NR1I2: variants seen among roughly 807,000 people sequenced by gnomAD.
NR1I2 encodes nuclear receptor subfamily 1 group I member 2, also known as orphan nuclear receptor PAR1.
Under a neutral mutation model 43.3 loss-of-function variants are expected in NR1I2, and 42 were observed. The observed-to-expected ratio is 0.97, with a 90% CI of 0.76 to 1.26. The LOEUF is 1.26. Ranked by LOEUF, NR1I2 falls within the 50% of genes most tolerant of loss-of-function variation. The probability of loss-of-function intolerance (pLI) is 0.00; values close to 1 mark genes in which losing one functional copy is unlikely to be tolerated. For missense variants in NR1I2, 559 were observed against 566.7 expected, an observed-to-expected ratio of 0.99 and a Z score of 0.14; for synonymous variants, 229 against 215.0, an observed-to-expected ratio of 1.06 and a Z score of -0.57.
intron 1 of NR1I2, among the ~76,000 whole-genome samples, chr3:119,794,290 T>A (rs1353572277): frequency 6.6e-6 from 1 of 152,008 alleles, no homozygotes; most frequent in Admixed American, 6.5e-5. Context: ...CCTCCTGGGC[T>A]CACGTAATCT....
intron 8 of NR1I2, among the ~76,000 whole-genome samples, chr3:119,816,438 G>C (rs1047783659): frequency 6.6e-6 from 1 of 152,092 alleles, no homozygotes; most frequent in African/African-American, 2.4e-5. Flanking sequence ...CTGGCCCCTG[G>C]ACATTAACGA....
rs1237744800 is a variant in NR1I2, at chr3:119,812,967, C to T, written c.794+7C>T. The stretch of plus-strand genomic sequence containing the variant: ...AAGTCATCTCCTACTTCAGGTAGGA[C>T]ATGGAGACTGGGTGGTTGGGTGTGG... On this transcript the variant is annotated splice_region_variant and intron_variant, in intron 5 of 8. Transcript: ENST00000393716. 7 of 1,612,294 alleles carry T rather than the reference C, an allele frequency of 4.3e-6. No individual in the cohort carries two copies. Among genetic ancestry groups the T allele is most frequent in the Non-Finnish European group, 5.9e-6 (7 of 1,179,822 alleles).
chr3:119,814,687 T>C (rs1457280433), intron 5 of NR1I2, among the ~76,000 whole-genome samples: 1 of 152,094 alleles, frequency 6.6e-6, no homozygotes, highest in Non-Finnish European at 1.5e-5. Flanking sequence ...AGGATTTGTA[T>C]AGGAGCTGAA....
At chr3:119,804,352 G>A (rs1559787377) in intron 1 of NR1I2, among the ~76,000 whole-genome samples, 1 of 150,372 alleles carries the variant, frequency 6.7e-6, no homozygotes, top group African/African-American at 2.4e-5. Context: ...TCCAGCCTGG[G>A]TGACAGAGCG....
intron 1 of NR1I2, among the ~76,000 whole-genome samples, chr3:119,791,337 G>A (rs2054915725): frequency 6.6e-6 from 1 of 152,198 alleles, no homozygotes; most frequent in African/African-American, 2.4e-5. Flanking sequence ...CTCCTGCAAT[G>A]TCAGGCTAGA....
chr3:119,794,958 T>A (rs2054976419), intron 1 of NR1I2, among the ~76,000 whole-genome samples: 1 of 152,102 alleles, frequency 6.6e-6, no homozygotes, highest in South Asian at 2.1e-4. Context: ...TAAATTAAAT[T>A]AAATAATGTA....
At chr3:119,814,648 A>G (rs1379596172) in intron 5 of NR1I2, among the ~76,000 whole-genome samples, 3 of 152,184 alleles carry the variant, frequency 2.0e-5, no homozygotes, top group Non-Finnish European at 4.4e-5. Flanking sequence ...GAGGCCAGGG[A>G]CCAGAAGCCA....
At chr3:119,812,649 T>A (rs910426620) in intron 4 of NR1I2, 37 bp from the exon 5 acceptor site, 2 of 1,612,218 alleles carry the variant, frequency 1.2e-6, no homozygotes, top group Non-Finnish European at 1.7e-6. Context: ...AAGCACATGC[T>A]GTCTCTCCTC....
At chr3:119,797,139 A>G (rs1196227709) in intron 1 of NR1I2, among the ~76,000 whole-genome samples, 2 of 150,984 alleles carry the variant, frequency 1.3e-5, no homozygotes, top group Admixed American at 1.3e-4. Flanking sequence ...TCTCCCTTTA[A>G]TAGGGGATTT....
intron 1 of NR1I2, among the ~76,000 whole-genome samples, chr3:119,798,640 A>AGGAG (rs1289847869): frequency 4.7e-5 from 1 of 21,284 alleles, no homozygotes. Context: ...ACTCCGTCTC[A>AGGAG]AAAAAAAAAA....
chr3:119,813,075 C>T, intron 5 of NR1I2, 115 bp downstream of exon 5: 7 of 1,176,996 alleles, frequency 5.9e-6, no homozygotes, highest in Non-Finnish European at 8.6e-6. Context: ...GAAGACCCTC[C>T]TTTTCCTGTG....
intron 1 of NR1I2, chr3:119,791,963 T>C (rs1331228751): frequency 1.5e-6 from 1 of 686,702 alleles, no homozygotes; most frequent in African/African-American, 1.7e-5. Flanking sequence ...TACAGGACAT[T>C]GTGGTAGGGT....
chr3:119,782,821 C>T, intron 1 of NR1I2: 1 of 1,614,162 alleles, frequency 6.2e-7, no homozygotes, highest in Non-Finnish European at 8.5e-7. Context: ...CATACCCCTG[C>T]ACAGTGCTGC....
Position 119,807,256 on chromosome 3 carries a change from G to T in NR1I2, c.6G>T (p.Glu2Asp). ...CAAGAGGCCCAGAAGCAAACCTGGAGGTGAGACCCAAAGAAAGCTGGAACC... is the reference window on the plus strand; with the variant it reads ...CAAGAGGCCCAGAAGCAAACCTGGATGTGAGACCCAAAGAAAGCTGGAACC... The change falls in exon 2 of 9, where the codon GAG becomes GAT. Residue 2 changes from glutamate (E) to aspartate (D), a missense_variant. Around this residue, in one of 3 missense-constraint regions of NR1I2, gnomAD observed 232 missense variants for 236.6 expected, o/e 0.98. Transcript: ENST00000393716. 6.2e-7 allele frequency: 1 copy of T among 1,614,150 alleles called. No individual in the cohort carries two copies. Among genetic ancestry groups the T allele is most frequent in the Non-Finnish European group, 8.5e-7 (1 of 1,180,024 alleles).
At chr3:119,796,079 T>C (rs1408783753) in intron 1 of NR1I2, among the ~76,000 whole-genome samples, 1 of 152,132 alleles carries the variant, frequency 6.6e-6, no homozygotes, top group African/African-American at 2.4e-5. Flanking sequence ...TCCCAGCACT[T>C]CTCTTTAGTC....
Position 119,817,119 on chromosome 3 carries a change from T to G in NR1I2, c.1212T>G (p.Asn404Lys). 5 of 1,614,196 alleles carry G rather than the reference T, an allele frequency of 3.1e-6. No homozygotes were observed. The highest frequency in any genetic ancestry group is 4.2e-6 in the Non-Finnish European group (5 of 1,180,014). The stretch of plus-strand genomic sequence containing the variant: ...TGCTCACCGAGCTCCGCAGCATCAA[T>G]GCTCAGCACACCCAGCGGCTGCTGC... The change falls in exon 9 of 9, where the codon AAT (asparagine) becomes AAG (lysine). Residue 404 changes from asparagine (N) to lysine (K), a missense_variant. Asn to Lys is a moderately conservative substitution (Grantham distance 94). Coordinates refer to ENST00000393716, the MANE Select transcript of NR1I2 (RefSeq NM_003889.4).
At chr3:119,809,872 T>C (rs1334757642) in intron 2 of NR1I2, among the ~76,000 whole-genome samples, 189 bp from the exon 3 acceptor site, 1 of 152,128 alleles carries the variant, frequency 6.6e-6, no homozygotes, top group Non-Finnish European at 1.5e-5. Context: ...CCCCTCTAGC[T>C]GAGTCCTGGA....
Position 119,810,193 on chromosome 3 carries a change from G to A in NR1I2, c.330G>A (p.Glu110=). The A allele has an allele frequency of 6.2e-7, 1 of 1,603,712 alleles. No individual in the cohort carries two copies. Among genetic ancestry groups the A allele is most frequent in the Non-Finnish European group, 8.5e-7 (1 of 1,175,276 alleles). ...GCCTGGAGAGCGGCATGAAGAAGGA[G>A]AGTGAGCAGTGGGCGCGCGGGCGGG... is the stretch of plus-strand genomic sequence containing the variant. The change falls in exon 3 of 9, where the codon GAG becomes GAA. Residue 110 remains glutamate (E), a splice_region_variant and synonymous_variant. Coordinates refer to ENST00000393716, the MANE Select transcript of NR1I2 (RefSeq NM_003889.4).
intron 1 of NR1I2, among the ~76,000 whole-genome samples, chr3:119,786,788 C>A (rs752530114): frequency 6.6e-6 from 1 of 152,208 alleles, no homozygotes; most frequent in African/African-American, 2.4e-5. Context: ...TTCTTGAATT[C>A]ATAAACCGTG....
Sources: allele counts gnomAD v4.1 joint callset (sites outside exome capture counted in the v4.1 genomes callset), GRCh38; gene constraint gnomAD v4.1.1; regional missense constraint gnomAD v4.1.1; transcripts MANE v1.5; gene names NCBI Gene and HGNC (gene_info 2026-07-23, HGNC 2026-07-21).